The following ADAMTSL1 variants were observed in gnomAD, a reference collection of about 807,000 sequenced individuals.
The protein encoded by ADAMTSL1 is ADAMTS like 1.
Under a neutral mutation model 201.8 loss-of-function variants are expected in ADAMTSL1, and 126 were observed. That is an observed-to-expected ratio of 0.62 (90% CI 0.54 to 0.72). ADAMTSL1 has a LOEUF of 0.72. Ranked by LOEUF, ADAMTSL1 falls within the 30% of genes least tolerant of loss-of-function variation. ADAMTSL1 has a pLI of 0.00. For missense variants in ADAMTSL1, 2,679 were observed against 2,277.8 expected, an observed-to-expected ratio of 1.18 and a Z score of -3.59; for synonymous variants, 1,121 against 903.4, an observed-to-expected ratio of 1.24 and a Z score of -4.32.
chr9:18,895,422 G>T (rs529662551), intron 26 of ADAMTSL1, among the ~76,000 whole-genome samples: 20 of 111,856 alleles, frequency 1.8e-4, no homozygotes, highest in Non-Finnish European at 3.5e-4. Flanking sequence ...GTTCATCCTT[G>T]CCCCACCCCC....
At chr9:18,327,329 G>A (rs565224921) in intron 2 of ADAMTSL1, among the ~76,000 whole-genome samples, 43 of 152,322 alleles carry the variant, frequency 2.8e-4, no homozygotes, top group African/African-American at 9.9e-4. Flanking sequence ...CTATTCCAAA[G>A]GAATGAACTG....
chr9:18,388,168 T>C (rs1256077798), intron 2 of ADAMTSL1, among the ~76,000 whole-genome samples: 1 of 152,126 alleles, frequency 6.6e-6, no homozygotes, highest in Non-Finnish European at 1.5e-5. Context: ...TTTTTGTAAA[T>C]AGATATCTGG....
At chr9:18,409,873 CATAT>C (rs1009049058) in intron 2 of ADAMTSL1, among the ~76,000 whole-genome samples, 38 of 149,744 alleles carry the variant, frequency 2.5e-4, no homozygotes, top group African/African-American at 9.3e-4. Context: ...TATATGTATA[CATAT>C]ATATAGTGAA....
At position 18,152,286 on chromosome 9, in the gene ADAMTSL1, C is replaced by T. The variant is rs371541701; in HGVS notation, c.88-11576C>T. 6.6e-5 allele frequency among the ~76,000 whole-genome samples: 10 copies of T among 152,048 alleles called. No homozygotes were observed. The East Asian group carries it at 1.7e-3, about 27-fold the overall frequency. On this transcript the variant is annotated intron_variant, in intron 1 of 29. Transcript: ENST00000680146. ...TTGGAGGATGCGTAGAAACAGCAGC[C>T]TTTAAGGACTGATGAGATTTTAGTA...
chr9:18,690,245 T>C (rs1237198370), intron 13 of ADAMTSL1, among the ~76,000 whole-genome samples: 1 of 152,186 alleles, frequency 6.6e-6, no homozygotes, highest in Non-Finnish European at 1.5e-5. Flanking sequence ...AGATATAATA[T>C]TTAAGCATAT....
At chr9:18,404,525 T>C (rs1818109703) in intron 2 of ADAMTSL1, among the ~76,000 whole-genome samples, 1 of 152,224 alleles carries the variant, frequency 6.6e-6, no homozygotes, top group Non-Finnish European at 1.5e-5. Context: ...TGCCCTGTAA[T>C]CTTGACCTCT....
intron 2 of ADAMTSL1, among the ~76,000 whole-genome samples, chr9:18,177,321 A>G (rs1043453515): frequency 1.3e-5 from 2 of 152,204 alleles, no homozygotes; most frequent in African/African-American, 2.4e-5. Flanking sequence ...TGTTATTAAT[A>G]GTAGAAGAAA....
At chr9:18,849,844 C>T (rs893800013) in intron 23 of ADAMTSL1, among the ~76,000 whole-genome samples, 10 of 152,164 alleles carry the variant, frequency 6.6e-5, no homozygotes, top group Non-Finnish European at 1.3e-4. Context: ...TGTTTATATA[C>T]TTTTGTATTT....
intron 2 of ADAMTSL1, among the ~76,000 whole-genome samples, chr9:18,326,932 T>C (rs1349598699): frequency 1.3e-5 from 2 of 152,218 alleles, no homozygotes; most frequent in African/African-American, 2.4e-5. Context: ...AACAAAAAAT[T>C]GAGACCAGTT....
In ADAMTSL1 at chr9:18,877,714, G is replaced by A. The variant is rs1828256542; in HGVS notation, c.4250-10117G>A. Among the ~76,000 whole-genome samples the A allele has an allele frequency of 2.0e-5, 3 of 152,130 alleles. No homozygotes were observed. The South Asian group carries it at 6.2e-4, about 32-fold the overall frequency. On this transcript the variant is annotated intron_variant, in intron 23 of 28. Transcript: ENST00000380548. ...CTGGTTTTGTGTTTGTTGACCTCCA[G>A]CCAGGAGGTGGCACTTTCAAGGATC...
At chr9:18,400,149 T>A (rs1485472484) in intron 2 of ADAMTSL1, among the ~76,000 whole-genome samples, 3 of 108,954 alleles carry the variant, frequency 2.8e-5, no homozygotes, top group Non-Finnish European at 4.1e-5. Flanking sequence ...ATTAAGTTTT[T>A]TCTTTTTTTT....
intron 2 of ADAMTSL1, among the ~76,000 whole-genome samples, chr9:18,448,387 A>T (rs1216981762): frequency 6.6e-6 from 1 of 152,166 alleles, no homozygotes; most frequent in African/African-American, 2.4e-5. Context: ...AAACTAGGAC[A>T]ATGAGATCAG....
intron 1 of ADAMTSL1, among the ~76,000 whole-genome samples, chr9:17,949,089 A>G (rs1827628349): frequency 6.6e-6 from 1 of 152,252 alleles, no homozygotes; most frequent in South Asian, 2.1e-4. Flanking sequence ...ATGAAGGTAC[A>G]ATGTTAAAGC....
At chr9:18,230,049 C>A (rs1004094546) in intron 2 of ADAMTSL1, among the ~76,000 whole-genome samples, 1 of 152,136 alleles carries the variant, frequency 6.6e-6, no homozygotes, top group Non-Finnish European at 1.5e-5. Flanking sequence ...CCCAGACAAG[C>A]ATTGGTAGGT....
chr9:18,050,557 GAAT>G (rs571163891), intron 1 of ADAMTSL1, among the ~76,000 whole-genome samples: 1 of 152,172 alleles, frequency 6.6e-6, no homozygotes, highest in South Asian at 2.1e-4. Context: ...AGCTCTGTGT[GAAT>G]AATATTGAAG....
chr9:18,472,327 G>A (rs867177438), upstream of ADAMTSL1, among the ~76,000 whole-genome samples: 1 of 152,140 alleles, frequency 6.6e-6, no homozygotes, highest in African/African-American at 2.4e-5. Flanking sequence ...TTGTGAATAC[G>A]CTTTAGCTTA....
chr9:18,560,273 G>A (rs770559751), intron 3 of ADAMTSL1, among the ~76,000 whole-genome samples: 1 of 152,036 alleles, frequency 6.6e-6, no homozygotes, highest in African/African-American at 2.4e-5. Flanking sequence ...CAATAATGTG[G>A]TTTTGTCATT....
chr9:18,224,390 C>T (rs1307894039), intron 2 of ADAMTSL1, among the ~76,000 whole-genome samples: 2 of 152,144 alleles, frequency 1.3e-5, no homozygotes, highest in East Asian at 3.9e-4. Context: ...CTCATCAAGA[C>T]CTTTTATGAT....
At chr9:18,508,178 C>T (rs377553702) in intron 2 of ADAMTSL1, among the ~76,000 whole-genome samples, 5 of 148,736 alleles carry the variant, frequency 3.4e-5, no homozygotes, top group Admixed American at 1.3e-4. Context: ...AGCGAAACTC[C>T]GTCTCAAAAA....
Sources: allele counts gnomAD v4.1 joint callset (sites outside exome capture counted in the v4.1 genomes callset), GRCh38; gene constraint gnomAD v4.1.1; transcripts MANE v1.5; gene names NCBI Gene and HGNC (gene_info 2026-07-23, HGNC 2026-07-21).